Variants in BEST3 observed in about 807,000 individuals in gnomAD.
BEST3 encodes bestrophin-3.
In BEST3, 50 loss-of-function variants were observed where a neutral mutation model predicts 47.1. The observed-to-expected ratio is 1.06, with a 90% CI of 0.85 to 1.34. The LOEUF (loss-of-function observed/expected upper bound fraction) is 1.34. Among genes scored for constraint, BEST3 ranks in the 40% most tolerant of loss-of-function variants. The pLI is 0.00. For synonymous variants in BEST3, 282 were observed against 298.8 expected (o/e 0.94, Z 0.58); for missense variants, 765 against 817.0 (o/e 0.94, Z 0.78).
rs114521851 is a variant in BEST3, at chr12:69,653,887, A to G, written c.*1020T>C. 488 of 985,480 alleles carry G rather than the reference A, an allele frequency of 5.0e-4. 4 individuals are homozygous for G. In the African/African-American group the frequency reaches 7.9e-3, roughly 16 times the overall value. The allele number at this position is 985,480 out of a possible 1,614,324, so 61.0% of individuals were successfully genotyped here. A position where few individuals can be genotyped will look rare whatever the true frequency, so the allele number is the denominator to read the frequency against. ...TGCGACACGATTAGGATTTTTGCAT[A>G]AGAGTTCAAGTTAAACAGATGTGAG... On this transcript the variant is annotated 3_prime_UTR_variant, in exon 10 of 10. Coordinates refer to ENST00000330891, the MANE Select transcript of BEST3 (RefSeq NM_032735.3).
chr12:69,660,514 A>G (rs1883808064), intron 9 of BEST3: 5 of 152,162 alleles, frequency 3.3e-5, no homozygotes, highest in Admixed American at 3.3e-4. Context: ...GGGTTATTTG[A>G]GGGAAGGAAG....
chr12:69,679,440 G>A (rs1032224838), intron 4 of BEST3, among the ~76,000 whole-genome samples: 1 of 152,064 alleles, frequency 6.6e-6, no homozygotes, highest in South Asian at 2.1e-4. Context: ...GTTCCCACAT[G>A]GTACTCGCTC....
Position 69,654,620 on chromosome 12 carries a change from T to C in BEST3, c.*287A>G, listed in dbSNP as rs1883343413. 2 of 1,140,374 alleles carry C rather than the reference T, an allele frequency of 1.8e-6. No individual in the cohort carries two copies. The highest frequency in any genetic ancestry group is 1.1e-6 in the Non-Finnish European group (1 of 927,794). The allele number at this position is 1,140,374 out of a possible 1,614,324, so 70.6% of individuals were successfully genotyped here. ...AATCTATGAATTTATAAGTCATGTA[T>C]GTTTTTCAGATTCCTTTTTTTGGTT... On this transcript the variant is annotated 3_prime_UTR_variant, in exon 10 of 10. Transcript: ENST00000330891.
intron 4 of BEST3, among the ~76,000 whole-genome samples, chr12:69,680,568 A>G (rs951782671): frequency 6.6e-6 from 1 of 151,972 alleles, no homozygotes; most frequent in Non-Finnish European, 1.5e-5. Context: ...CGGCCTCCCA[A>G]ATTGCTGGGA....
chr12:69,681,885 AG>A (rs1885273515), intron 4 of BEST3, among the ~76,000 whole-genome samples: 1 of 152,120 alleles, frequency 6.6e-6, no homozygotes, highest in Admixed American at 6.6e-5. Context: ...GTTCGAGACC[AG>A]CCTGACCAAC....
chr12:69,646,028 C>T (rs192080566), intron 9 of BEST3, among the ~76,000 whole-genome samples: 144 of 152,248 alleles, frequency 9.5e-4, no homozygotes, highest in African/African-American at 3.3e-3. Context: ...CCTCTGCCCC[C>T]GAGGTTCAAG....
intron 9 of BEST3, among the ~76,000 whole-genome samples, chr12:69,665,824 C>T (rs1884175931): frequency 6.6e-6 from 1 of 151,842 alleles, no homozygotes; most frequent in Admixed American, 6.6e-5. Flanking sequence ...GAATTATATG[C>T]GTTTTGGGTT....
intron 7 of BEST3, among the ~76,000 whole-genome samples, chr12:69,674,062 T>A (rs1038507433): frequency 2.0e-5 from 3 of 152,122 alleles, no homozygotes; most frequent in African/African-American, 4.8e-5. Context: ...CATGCGTGCA[T>A]GCTCGTGTGT....
Position 69,654,563 on chromosome 12 carries a change from C to G in BEST3, c.*344G>C. ...GGGCCTTTGGGTCTAGGGGATTGGA[C>G]TATGATCTATGAGACTCTTTCCACA... On this transcript the variant is annotated 3_prime_UTR_variant, in exon 10 of 10. Coordinates refer to ENST00000330891, the MANE Select transcript of BEST3 (RefSeq NM_032735.3). 2.0e-6 allele frequency: 2 copies of G among 1,022,138 alleles called. No homozygotes were observed. Among genetic ancestry groups the G allele is most frequent in the African/African-American group, 3.4e-5 (2 of 58,526 alleles). 63.3% of individuals were successfully genotyped at this position (1,022,138 alleles called of 1,614,324 possible).
In BEST3 at chr12:69,655,786, C is replaced by G. The variant is rs750804238; in HGVS notation, c.1128G>C (p.Glu376Asp). ...MGLSGSDFPD[E>D]EWLWDYEKHG... Reference sequence around the variant, plus strand: ...GCTTCTCATAATCCCACAGCCACTCCTCGTCAGGAAAGTCGGACCCAGACA... The same window carrying G: ...GCTTCTCATAATCCCACAGCCACTCGTCGTCAGGAAAGTCGGACCCAGACA... The change falls in exon 10 of 10, where the codon GAG becomes GAC. Residue 376 changes from glutamate to aspartate, a missense_variant. By Grantham distance (45) the Glu-to-Asp change is conservative. Coordinates refer to ENST00000330891, the MANE Select transcript of BEST3 (RefSeq NM_032735.3). The G allele has an allele frequency of 1.2e-6, 2 of 1,610,600 alleles. No homozygotes were observed. Among genetic ancestry groups the G allele is most frequent in the East Asian group, 2.2e-5 (1 of 44,792 alleles).
chr12:69,673,887 T>A (rs979293514), intron 7 of BEST3, among the ~76,000 whole-genome samples: 2 of 152,154 alleles, frequency 1.3e-5, no homozygotes, highest in Non-Finnish European at 2.9e-5. Flanking sequence ...GCCGGGAAAA[T>A]GTTAGGTAGC....
In BEST3 at chr12:69,669,065, G is replaced by A. The variant is rs141548566; in HGVS notation, c.1100+2363C>T. 6.1e-4 allele frequency among the ~76,000 whole-genome samples: 93 copies of A among 152,258 alleles called. 1 individual carries two copies. In the East Asian group the frequency reaches 0.016, roughly 26 times the overall value. ...TCTAGTGACACCCAAAGCTAGGCTCGTCTCTGGATGTGAAACTATAAACCT... is the reference window on the plus strand; with the variant it reads ...TCTAGTGACACCCAAAGCTAGGCTCATCTCTGGATGTGAAACTATAAACCT... On this transcript the variant is annotated intron_variant, in intron 9 of 9. Coordinates refer to ENST00000330891, the MANE Select transcript of BEST3 (RefSeq NM_032735.3).
At chr12:69,668,534 T>C (rs1001072470) in intron 9 of BEST3, among the ~76,000 whole-genome samples, 3 of 152,228 alleles carry the variant, frequency 2.0e-5, no homozygotes, top group Non-Finnish European at 4.4e-5. Flanking sequence ...TCATTTGACA[T>C]TGACCTTGTA....
intron 3 of BEST3, 33 bp downstream of exon 3, chr12:69,694,337 T>C (rs1886053113): frequency 7.3e-7 from 1 of 1,371,758 alleles, no homozygotes; most frequent in Non-Finnish European, 1.0e-6. Context: ...GAGACAGCTA[T>C]GTGGCTGCAA....
intron 9 of BEST3, among the ~76,000 whole-genome samples, chr12:69,665,811 G>A (rs1884175238): frequency 6.6e-6 from 1 of 152,004 alleles, no homozygotes; most frequent in Admixed American, 6.6e-5. Flanking sequence ...TTAATGAATT[G>A]AGGAATTATA....
At chr12:69,673,002 C>T (rs778024294) in intron 7 of BEST3, 37 bp from the exon 8 acceptor site, 1 of 1,483,934 alleles carries the variant, frequency 6.7e-7, no homozygotes, top group Non-Finnish European at 9.3e-7. Context: ...CATCATGATA[C>T]CTGTGAAAAC....
chr12:69,665,540 C>T (rs1884147188), intron 9 of BEST3, among the ~76,000 whole-genome samples: 1 of 152,060 alleles, frequency 6.6e-6, no homozygotes, highest in African/African-American at 2.4e-5. Context: ...TTGCAGTGAG[C>T]TGAGATCATG....
chr12:69,682,486 G>A (rs17106960), intron 4 of BEST3, among the ~76,000 whole-genome samples: 6,002 of 152,136 alleles, frequency 0.039, 167 homozygotes, highest in African/African-American at 0.068. Context: ...TTCTCTTCTT[G>A]TTTCTCAGTG....
At chr12:69,645,649 A>G (rs1236079610) in intron 9 of BEST3, among the ~76,000 whole-genome samples, 1 of 152,208 alleles carries the variant, frequency 6.6e-6, no homozygotes, top group African/African-American at 2.4e-5. Context: ...CCCAGATTGA[A>G]ATTTTAATTG....
Sources: allele counts gnomAD v4.1 joint callset (sites outside exome capture counted in the v4.1 genomes callset), GRCh38; gene constraint gnomAD v4.1.1; transcripts MANE v1.5; gene names NCBI Gene and HGNC (gene_info 2026-07-23, HGNC 2026-07-21).